KCNJ6: variants seen among roughly 807,000 people sequenced by gnomAD.
KCNJ6 encodes G protein-activated inward rectifier potassium channel 2.
A neutral mutation model predicts 34.2 loss-of-function variants in KCNJ6; 9 were observed. The ratio of observed to expected loss-of-function variants is 0.26; its 90% confidence interval spans 0.16 to 0.46. KCNJ6 has a LOEUF of 0.46. Among genes scored for constraint, KCNJ6 ranks in the 20% least tolerant of loss-of-function variants. The probability of loss-of-function intolerance (pLI) is 1.00; values close to 1 mark genes in which losing one functional copy is unlikely to be tolerated. For synonymous variants in KCNJ6, 196 were observed against 207.1 expected, an observed-to-expected ratio of 0.95 and a Z score of 0.46; for missense variants, 236 against 531.3, an observed-to-expected ratio of 0.44 and a Z score of 5.46.
At chr21:37,693,925 A>T (rs1391113256) in intron 3 of KCNJ6, among the ~76,000 whole-genome samples, 4 of 128,526 alleles carry the variant, frequency 3.1e-5, no homozygotes, top group Admixed American at 7.5e-5. Flanking sequence ...ATTATTTACC[A>T]TTTTTTTTTT....
At chr21:37,704,789 G>A (rs576550023) in intron 3 of KCNJ6, among the ~76,000 whole-genome samples, 8 of 152,170 alleles carry the variant, frequency 5.3e-5, no homozygotes, top group Admixed American at 3.3e-4. Context: ...GTGCTTTCTG[G>A]CAGGGAATTC....
At chr21:37,704,087 G>A (rs1301945322) in intron 3 of KCNJ6, among the ~76,000 whole-genome samples, 1 of 152,180 alleles carries the variant, frequency 6.6e-6, no homozygotes, top group Non-Finnish European at 1.5e-5. Flanking sequence ...CCTAGCCTTG[G>A]GGGTATGGGG....
chr21:37,697,785 G>A (rs1381297418), intron 3 of KCNJ6, among the ~76,000 whole-genome samples: 1 of 152,214 alleles, frequency 6.6e-6, no homozygotes, highest in Non-Finnish European at 1.5e-5. Context: ...ATAAGGTTGT[G>A]TGGTGTGGAT....
At chr21:37,880,087 G>A (rs564568571) in intron 1 of KCNJ6, among the ~76,000 whole-genome samples, 6 of 116,004 alleles carry the variant, frequency 5.2e-5, no homozygotes, top group African/African-American at 1.4e-4. Context: ...GGTGAAACCC[G>A]GCTCTAAAAA....
chr21:37,850,472 A>G (rs919076209), intron 1 of KCNJ6, among the ~76,000 whole-genome samples: 2 of 152,036 alleles, frequency 1.3e-5, no homozygotes, highest in Non-Finnish European at 2.9e-5. Context: ...TGAACTGCCC[A>G]TGTGAGGGAT....
chr21:37,792,745 T>C (rs1347955014), intron 2 of KCNJ6, among the ~76,000 whole-genome samples: 2 of 152,168 alleles, frequency 1.3e-5, no homozygotes, highest in Non-Finnish European at 2.9e-5. Flanking sequence ...TGTGACGAGA[T>C]CTGCCCATTT....
At chr21:37,750,153 G>T (rs1213326952) in intron 2 of KCNJ6, among the ~76,000 whole-genome samples, 1 of 152,186 alleles carries the variant, frequency 6.6e-6, no homozygotes, top group Non-Finnish European at 1.5e-5. Context: ...GGTCATTAGA[G>T]AAATGCAAAT....
At chr21:37,637,222 T>A (rs2054361904) in intron 3 of KCNJ6, among the ~76,000 whole-genome samples, 3 of 152,176 alleles carry the variant, frequency 2.0e-5, no homozygotes, top group South Asian at 2.1e-4. Flanking sequence ...GGCATAATCA[T>A]GGTTTTAGTT....
chr21:37,629,228 T>C (rs2054323637), intron 3 of KCNJ6, among the ~76,000 whole-genome samples: 1 of 152,216 alleles, frequency 6.6e-6, no homozygotes, highest in Non-Finnish European at 1.5e-5. Flanking sequence ...GTTATTCCAT[T>C]TTATGGCAAT....
chr21:37,687,872 A>AG (rs2054622616), intron 3 of KCNJ6, among the ~76,000 whole-genome samples: 2 of 152,206 alleles, frequency 1.3e-5, no homozygotes, highest in African/African-American at 4.8e-5. Flanking sequence ...TCTTAGTTGT[A>AG]TTCTAGAGTC....
intron 1 of KCNJ6, among the ~76,000 whole-genome samples, chr21:37,864,288 T>A (rs1182747360): frequency 3.3e-5 from 5 of 151,870 alleles, no homozygotes; most frequent in African/African-American, 4.8e-5. Context: ...ATTTTTGTAT[T>A]TTTAGGAGAG....
At chr21:37,866,489 G>A (rs186897014) in intron 1 of KCNJ6, among the ~76,000 whole-genome samples, 127 of 152,264 alleles carry the variant, frequency 8.3e-4, no homozygotes, top group Non-Finnish European at 1.6e-3. Flanking sequence ...CCAGGAGCCC[G>A]ACCTTTCACA....
chr21:37,820,817 C>T (rs1424286435), intron 2 of KCNJ6, among the ~76,000 whole-genome samples: 1 of 152,076 alleles, frequency 6.6e-6, no homozygotes, highest in East Asian at 1.9e-4. Flanking sequence ...ATACACTGAC[C>T]AAAAACCATG....
In KCNJ6 at chr21:37,912,423, C is replaced by G. The variant is rs143409462; in HGVS notation, c.-28+3461G>C. Among the ~76,000 whole-genome samples the G allele has an allele frequency of 5.0e-3, 759 of 152,284 alleles. 4 individuals are homozygous for G. The highest frequency in any genetic ancestry group is 7.4e-3 in the Non-Finnish European group (503 of 68,032). On this transcript the variant is annotated intron_variant, in intron 1 of 3. Coordinates refer to ENST00000609713, the MANE Select transcript of KCNJ6 (RefSeq NM_002240.5). ...ATTTCATATACCTAGATTATTGACA[C>G]CACCCCCCTTTTTAATTTATTAGAG...
chr21:37,631,801 G>A (rs1046079956), intron 3 of KCNJ6, among the ~76,000 whole-genome samples: 2 of 152,144 alleles, frequency 1.3e-5, no homozygotes, highest in African/African-American at 2.4e-5. Context: ...GGGAATCCCC[G>A]TTAATTGAGT....
At chr21:37,785,445 T>C (rs2055188462) in intron 2 of KCNJ6, among the ~76,000 whole-genome samples, 1 of 152,254 alleles carries the variant, frequency 6.6e-6, no homozygotes, top group Non-Finnish European at 1.5e-5. Context: ...CAGGCATCCA[T>C]GTCTTAATGC....
At position 37,909,879 on chromosome 21, in the gene KCNJ6, C is replaced by T. The variant is rs139383175; in HGVS notation, c.-28+6005G>A. On this transcript the variant is annotated intron_variant, in intron 1 of 3. Coordinates refer to ENST00000609713, the MANE Select transcript of KCNJ6 (RefSeq NM_002240.5). ...AAAGATTAGATGTCTCTACCTGTTGCTGCACGGCTTGCAGTGCTTCACTGT... is the reference window on the plus strand; with the variant it reads ...AAAGATTAGATGTCTCTACCTGTTGTTGCACGGCTTGCAGTGCTTCACTGT... 8.0e-3 allele frequency among the ~76,000 whole-genome samples: 1,217 copies of T among 152,320 alleles called. 24 individuals carry two copies. The highest frequency in any genetic ancestry group is 0.028 in the African/African-American group (1,144 of 41,568).
At chr21:37,890,620 C>T (rs148403334) in intron 1 of KCNJ6, among the ~76,000 whole-genome samples, 1 of 152,314 alleles carries the variant, frequency 6.6e-6, no homozygotes, top group East Asian at 1.9e-4. Flanking sequence ...TGACACAAAC[C>T]TTCTATGTGT....
intron 2 of KCNJ6, among the ~76,000 whole-genome samples, chr21:37,764,223 G>C (rs1284946387): frequency 6.6e-6 from 1 of 152,152 alleles, no homozygotes; most frequent in Non-Finnish European, 1.5e-5. Flanking sequence ...TGGAGAAGCA[G>C]CTGGTTTGAA....
Sources: gnomAD v4.1 joint callset for allele counts (sites outside exome capture counted in the v4.1 genomes callset) on GRCh38, gnomAD v4.1.1 for gene constraint, MANE v1.5 for transcripts, NCBI Gene and HGNC (gene_info 2026-07-23, HGNC 2026-07-21) for gene names.